The following PRKCH variants were observed in gnomAD, a reference collection of about 807,000 sequenced individuals.
PRKCH encodes the protein protein kinase C eta, also known as protein kinase C eta type.
Under a neutral mutation model 82.5 loss-of-function variants are expected in PRKCH, and 28 were observed. The observed-to-expected ratio is 0.34, with a 90% CI of 0.25 to 0.47. PRKCH has a LOEUF of 0.47. Among genes scored for constraint, PRKCH ranks in the 20% least tolerant of loss-of-function variants. The pLI, the probability that PRKCH is intolerant of heterozygous loss-of-function variation, is 1.00. For synonymous variants in PRKCH, 322 were observed against 327.4 expected, an observed-to-expected ratio of 0.98 and a Z score of 0.18; for missense variants, 705 against 881.8, an observed-to-expected ratio of 0.80 and a Z score of 2.54.
intron 1 of PRKCH, among the ~76,000 whole-genome samples, chr14:61,220,608 T>C (rs933696695): frequency 1.3e-5 from 2 of 152,188 alleles, no homozygotes; most frequent in African/African-American, 4.8e-5. Flanking sequence ...TTAGCTAGGA[T>C]GGACCAACTC....
At chr14:61,387,474 C>T (rs199664650) in intron 1 of PRKCH, among the ~76,000 whole-genome samples, 4 of 152,088 alleles carry the variant, frequency 2.6e-5, no homozygotes, top group Non-Finnish European at 4.4e-5. Context: ...CTGTAGAGGG[C>T]GAAACTAAGG....
intron 1 of PRKCH, among the ~76,000 whole-genome samples, chr14:61,274,476 A>G (rs981651162): frequency 6.6e-6 from 1 of 152,212 alleles, no homozygotes; most frequent in African/African-American, 2.4e-5. Flanking sequence ...CTGGAGCCCA[A>G]TTAGGAGGCT....
At chr14:61,345,780 C>T (rs555966518) in intron 1 of PRKCH, among the ~76,000 whole-genome samples, 37 of 152,018 alleles carry the variant, frequency 2.4e-4, no homozygotes, top group Non-Finnish European at 3.8e-4. Flanking sequence ...AGGCTGGGCA[C>T]GGTGGCCCAG....
intron 2 of PRKCH, among the ~76,000 whole-genome samples, chr14:61,406,239 G>A (rs1211858756): frequency 1.3e-5 from 2 of 149,084 alleles, no homozygotes; most frequent in Admixed American, 6.7e-5. Flanking sequence ...TGGTGTAGTC[G>A]TTTAAGAGTT....
chr14:61,238,798 G>C (rs1054382872), intron 1 of PRKCH, among the ~76,000 whole-genome samples: 2 of 152,140 alleles, frequency 1.3e-5, no homozygotes, highest in Admixed American at 6.5e-5. Context: ...ATTAGCATCT[G>C]TAAGACCCGT....
At chr14:61,301,561 T>C (rs1167242800) in intron 1 of PRKCH, among the ~76,000 whole-genome samples, 1 of 152,206 alleles carries the variant, frequency 6.6e-6, no homozygotes, top group Admixed American at 6.5e-5. Context: ...TACACATCTG[T>C]TCAGGCACTG....
intron 10 of PRKCH, among the ~76,000 whole-genome samples, chr14:61,516,322 C>G (rs1168991360): frequency 6.6e-6 from 1 of 152,188 alleles, no homozygotes; most frequent in African/African-American, 2.4e-5. Context: ...GTCCAGTCAT[C>G]TGCTACTTTT....
At chr14:61,380,267 G>A (rs1191962153) in intron 1 of PRKCH, among the ~76,000 whole-genome samples, 1 of 149,882 alleles carries the variant, frequency 6.7e-6, no homozygotes, top group African/African-American at 2.4e-5. Flanking sequence ...GTGTTGCGCA[G>A]ACTAATCTTG....
intron 13 of PRKCH, 130 bp downstream of exon 13, chr14:61,548,016 C>G: frequency 8.1e-7 from 1 of 1,231,544 alleles, no homozygotes; most frequent in Non-Finnish European, 1.1e-6. Flanking sequence ...CTGCACAGGG[C>G]AGCCTCCCCT....
At position 61,273,819 on chromosome 14, in the gene PRKCH, T is replaced by C. The variant is rs546075508; in HGVS notation, c.-19+86151T>C. 4.9e-4 allele frequency among the ~76,000 whole-genome samples: 75 copies of C among 152,362 alleles called. 2 individuals are homozygous for C. The South Asian group carries it at 5.4e-3, about 11-fold the overall frequency. ...TCCAATAATTTCCTGAATTATTTCC[T>C]ATGCATTCAACTATCTTGTAGGAAA... is the stretch of plus-strand genomic sequence containing the variant. On this transcript the variant is annotated intron_variant, in intron 1 of 3. Transcript: ENST00000555185.
At chr14:61,296,425 G>A (rs2045406672) in intron 1 of PRKCH, among the ~76,000 whole-genome samples, 1 of 152,302 alleles carries the variant, frequency 6.6e-6, no homozygotes, top group East Asian at 1.9e-4. Context: ...CCAGAGTTGG[G>A]TGGCAGTGTG....
chr14:61,512,695 A>T (rs1091524), intron 10 of PRKCH, among the ~76,000 whole-genome samples: 2 of 152,074 alleles, frequency 1.3e-5, no homozygotes, highest in Non-Finnish European at 2.9e-5. Flanking sequence ...TTAATTTTAC[A>T]CAAGATATAC....
chr14:61,431,320 A>T (rs563755777), intron 2 of PRKCH, among the ~76,000 whole-genome samples: 1 of 152,222 alleles, frequency 6.6e-6, no homozygotes, highest in Non-Finnish European at 1.5e-5. Context: ...AAACCTCAGC[A>T]CCATGCCATT....
At chr14:61,367,957 G>A (rs57451568) in intron 1 of PRKCH, among the ~76,000 whole-genome samples, 11,347 of 151,724 alleles carry the variant, frequency 0.075, 1,446 homozygotes, top group African/African-American at 0.26. Context: ...CTCGTGATCC[G>A]CCTGCCTTAG....
intron 1 of PRKCH, among the ~76,000 whole-genome samples, chr14:61,345,443 G>A (rs1162296128): frequency 1.3e-5 from 2 of 152,194 alleles, no homozygotes; most frequent in African/African-American, 4.8e-5. Context: ...ATGGAGGCAA[G>A]GCTGACAGCC....
At chr14:61,222,755 T>C (rs2044664830) in intron 1 of PRKCH, among the ~76,000 whole-genome samples, 2 of 152,216 alleles carry the variant, frequency 1.3e-5, no homozygotes, top group African/African-American at 4.8e-5. Flanking sequence ...TTTGAGAAAA[T>C]AAACTCTGCA....
chr14:61,250,707 G>A (rs375418519), intron 1 of PRKCH, among the ~76,000 whole-genome samples: 9 of 152,170 alleles, frequency 5.9e-5, no homozygotes, highest in South Asian at 4.2e-4. Context: ...TAGAATGTAC[G>A]ACACCAAGAG....
intron 1 of PRKCH, among the ~76,000 whole-genome samples, chr14:61,284,332 T>C (rs528937318): frequency 1.3e-5 from 2 of 152,342 alleles, no homozygotes; most frequent in African/African-American, 4.8e-5. Flanking sequence ...GCTAAAGAGA[T>C]GTGCCTTAGT....
chr14:61,484,169 C>A (rs532053972), intron 9 of PRKCH, among the ~76,000 whole-genome samples: 1 of 152,070 alleles, frequency 6.6e-6, no homozygotes, highest in Non-Finnish European at 1.5e-5. Flanking sequence ...ATCCTGTGGG[C>A]CTTAGCTCAT....
Sources: gnomAD v4.1 joint callset for allele counts (sites outside exome capture counted in the v4.1 genomes callset) on GRCh38, gnomAD v4.1.1 for gene constraint, MANE v1.5 for transcripts, NCBI Gene and HGNC (gene_info 2026-07-23, HGNC 2026-07-21) for gene names.